DDAH1: variants seen among roughly 807,000 people sequenced by gnomAD.
DDAH1 encodes the protein dimethylarginine dimethylaminohydrolase 1.
In DDAH1, 19 loss-of-function variants were observed where a neutral mutation model predicts 28.8. The observed-to-expected ratio is 0.66, with a 90% CI of 0.46 to 0.97. The LOEUF (loss-of-function observed/expected upper bound fraction) is 0.97. DDAH1 is among the 50% of genes least tolerant of loss of function. DDAH1 has a pLI of 0.00. For synonymous variants in DDAH1, 153 were observed against 154.4 expected, an observed-to-expected ratio of 0.99 and a Z score of 0.07; for missense variants, 326 against 375.9, an observed-to-expected ratio of 0.87 and a Z score of 1.10.
At chr1:85,490,497 C>A (rs1656355249) in intron 2 of DDAH1, among the ~76,000 whole-genome samples, 1 of 152,172 alleles carries the variant, frequency 6.6e-6, no homozygotes, top group African/African-American at 2.4e-5. Context: ...ATAAACCCAG[C>A]AAAGCCATTA....
intron 1 of DDAH1, among the ~76,000 whole-genome samples, chr1:85,569,897 A>C (rs1393497404): frequency 1.3e-5 from 2 of 152,160 alleles, no homozygotes; most frequent in Non-Finnish European, 2.9e-5. Context: ...TTGCTAAGTC[A>C]GTTCTTCCTT....
chr1:85,323,796 C>T (rs1661449692), intron 5 of DDAH1, among the ~76,000 whole-genome samples: 1 of 151,636 alleles, frequency 6.6e-6, no homozygotes. Flanking sequence ...CATAAGGAGA[C>T]CCCGTCTCTA....
chr1:85,334,155 G>A (rs1647961540), intron 4 of DDAH1, among the ~76,000 whole-genome samples: 1 of 152,080 alleles, frequency 6.6e-6, no homozygotes, highest in African/African-American at 2.4e-5. Context: ...GAGATCTGAT[G>A]GTTTGATAAG....
intron 1 of DDAH1, among the ~76,000 whole-genome samples, chr1:85,429,045 T>C: frequency 6.6e-6 from 1 of 152,132 alleles, no homozygotes; most frequent in East Asian, 1.9e-4. Context: ...CTTTAAGTTC[T>C]GGGATACATG....
At position 85,384,264 on chromosome 1, in the gene DDAH1, C is replaced by T. The variant is rs1195323462; in HGVS notation, c.304-25417G>A. ...TATGCGTGCACAGACAAATACATAC[C>T]TACCCAAAGACTCAAGTAACAATCC... is the stretch of plus-strand genomic sequence containing the variant. On this transcript the variant is annotated intron_variant, in intron 1 of 5. Transcript: ENST00000284031. Among the ~76,000 whole-genome samples the T allele has an allele frequency of 2.6e-5, 4 of 152,134 alleles. No homozygotes were observed. The East Asian group carries it at 5.8e-4, about 22-fold the overall frequency.
chr1:85,386,114 C>T (rs922701698), intron 1 of DDAH1, among the ~76,000 whole-genome samples: 2 of 152,196 alleles, frequency 1.3e-5, no homozygotes, highest in Non-Finnish European at 2.9e-5. Context: ...AACATGATAT[C>T]CAAAGTATGT....
intron 1 of DDAH1, among the ~76,000 whole-genome samples, chr1:85,539,152 CT>C (rs537505375): frequency 4.4e-4 from 65 of 146,528 alleles, no homozygotes; most frequent in South Asian, 4.3e-4. Context: ...CTTTTCTTTT[CT>C]TTTTTTTTTT....
intron 1 of DDAH1, among the ~76,000 whole-genome samples, chr1:85,449,833 GT>G (rs1654586383): frequency 6.6e-6 from 1 of 152,152 alleles, no homozygotes; most frequent in East Asian, 1.9e-4. Flanking sequence ...AGGTGTGTTT[GT>G]ACTGGAGAGA....
chr1:85,343,654 CAA>C lies in DDAH1; in HGVS notation c.597+6759_597+6760del, dbSNP rs371427699. Among the ~76,000 whole-genome samples the C allele has an allele frequency of 7.0e-4, 107 of 152,266 alleles. 1 individual carries two copies. Among genetic ancestry groups the C allele is most frequent in the Middle Eastern group, 6.8e-3 (2 of 294 alleles). On this transcript the variant is annotated intron_variant, in intron 4 of 5. Coordinates refer to ENST00000284031, the MANE Select transcript of DDAH1 (RefSeq NM_012137.4). Reference sequence around the variant, plus strand: ...CCTGTGACAACAATAACTAAAAATGCAAAGTCTTTATTTTTTCCATTTCAATC... The same window carrying C: ...CCTGTGACAACAATAACTAAAAATGCAGTCTTTATTTTTTCCATTTCAATC...
At chr1:85,382,845 T>C (rs1441898141) in intron 1 of DDAH1, among the ~76,000 whole-genome samples, 1 of 152,164 alleles carries the variant, frequency 6.6e-6, no homozygotes, top group East Asian at 1.9e-4. Flanking sequence ...ACAACAAAAC[T>C]TGCATAACAG....
intron 1 of DDAH1, among the ~76,000 whole-genome samples, chr1:85,515,665 C>A (rs1368472279): frequency 6.6e-5 from 10 of 151,798 alleles, no homozygotes; most frequent in Non-Finnish European, 1.5e-4. Flanking sequence ...TCTTTGTACT[C>A]CAGTATGTGG....
At chr1:85,433,483 A>G (rs1653798802) in intron 1 of DDAH1, among the ~76,000 whole-genome samples, 1 of 152,214 alleles carries the variant, frequency 6.6e-6, no homozygotes, top group Non-Finnish European at 1.5e-5. Flanking sequence ...CACAGTCTGG[A>G]AACATCCTCA....
At chr1:85,509,610 C>T (rs938570408) in intron 1 of DDAH1, among the ~76,000 whole-genome samples, 11 of 152,244 alleles carry the variant, frequency 7.2e-5, no homozygotes, top group South Asian at 2.1e-4. Context: ...AGACAAATGG[C>T]TAACTAGAAT....
Position 85,411,646 on chromosome 1 carries a change from C to T in DDAH1, c.304-52799G>A, listed in dbSNP as rs141434251. ...CAACAGACAATTAATTCTATTGGGT[C>T]CTAAATATAAAGACTATGAAAGAGA... is the stretch of plus-strand genomic sequence containing the variant. On this transcript the variant is annotated intron_variant, in intron 1 of 5. Coordinates refer to ENST00000284031, the MANE Select transcript of DDAH1 (RefSeq NM_012137.4). 4.7e-3 allele frequency among the ~76,000 whole-genome samples: 716 copies of T among 152,264 alleles called. 2 individuals carry two copies. The highest frequency in any genetic ancestry group is 0.017 in the African/African-American group (687 of 41,544).
intron 4 of DDAH1, among the ~76,000 whole-genome samples, chr1:85,347,191 T>C (rs1267990031): frequency 6.6e-6 from 1 of 152,204 alleles, no homozygotes; most frequent in East Asian, 1.9e-4. Context: ...GTTCAACCAT[T>C]GTGGAAGACA....
intron 1 of DDAH1, among the ~76,000 whole-genome samples, chr1:85,553,054 C>A (rs1658846450): frequency 6.6e-6 from 1 of 152,148 alleles, no homozygotes; most frequent in East Asian, 1.9e-4. Flanking sequence ...AGATATCCAA[C>A]CACCCTGAGA....
chr1:85,528,152 T>C (rs1657937780), intron 1 of DDAH1, among the ~76,000 whole-genome samples: 1 of 151,856 alleles, frequency 6.6e-6, no homozygotes. Context: ...TATATGTTTA[T>C]ATGTTATTTG....
intron 1 of DDAH1, among the ~76,000 whole-genome samples, chr1:85,545,598 G>T (rs1469561108): frequency 6.6e-6 from 1 of 152,188 alleles, no homozygotes; most frequent in Non-Finnish European, 1.5e-5. Flanking sequence ...GGAAAGAGGT[G>T]TATATGAGAG....
chr1:85,507,768 C>G (rs534502212), intron 1 of DDAH1, among the ~76,000 whole-genome samples: 3 of 152,170 alleles, frequency 2.0e-5, no homozygotes, highest in Admixed American at 6.5e-5. Context: ...CTCTTTTAAC[C>G]TGGGACAGCT....
Sources: allele counts gnomAD v4.1 joint callset (sites outside exome capture counted in the v4.1 genomes callset), GRCh38; gene constraint gnomAD v4.1.1; transcripts MANE v1.5; gene names NCBI Gene and HGNC (gene_info 2026-07-23, HGNC 2026-07-21).